NTRK3: variants seen among roughly 807,000 people sequenced by gnomAD.
NTRK3 encodes neurotrophic receptor tyrosine kinase 3.
Under a neutral mutation model 91.7 loss-of-function variants are expected in NTRK3, and 24 were observed. The ratio of observed to expected loss-of-function variants is 0.26; its 90% CI spans 0.19 to 0.37. NTRK3 has a LOEUF of 0.37. Among genes scored for constraint, NTRK3 ranks in the 10% least tolerant of loss-of-function variants. The pLI, the probability that NTRK3 is intolerant of heterozygous loss-of-function variation, is 1.00. For synonymous variants in NTRK3, 483 were observed against 404.0 expected (o/e 1.20, Z -2.34); for missense variants, 880 against 1,068.9 (o/e 0.82, Z 2.46).
At chr15:88,159,901 A>G (rs1047912353) in intron 5 of NTRK3, among the ~76,000 whole-genome samples, 4 of 146,150 alleles carry the variant, frequency 2.7e-5, no homozygotes, top group African/African-American at 1.0e-4. Flanking sequence ...CCTGCACTCA[A>G]TTACAAGATG....
chr15:87,929,068 A>G, intron 17 of NTRK3, 123 bp downstream of exon 17: 2 of 1,425,512 alleles, frequency 1.4e-6, no homozygotes, highest in African/African-American at 1.4e-5. Context: ...TGTTGAGTGC[A>G]TGTCTGGGCA....
chr15:88,015,323 C>T (rs2077152137), intron 14 of NTRK3, among the ~76,000 whole-genome samples: 1 of 152,122 alleles, frequency 6.6e-6, no homozygotes, highest in African/African-American at 2.4e-5. Context: ...CTATTTAATA[C>T]ATCAACAAGA....
At position 88,236,804 on chromosome 15, in the gene NTRK3, G is replaced by A. The variant is rs547979756; in HGVS notation, c.248+19102C>T. On this transcript the variant is annotated intron_variant, in intron 3 of 18. Coordinates refer to ENST00000394480, the Ensembl canonical transcript of NTRK3. ...AAAAAAAAAAACACTACTCTCAAAAGTAGATAACAAAAAGAAAAGAAAAGA... is the reference window on the plus strand; with the variant it reads ...AAAAAAAAAAACACTACTCTCAAAAATAGATAACAAAAAGAAAAGAAAAGA... Among the ~76,000 whole-genome samples the A allele has an allele frequency of 3.4e-5, 5 of 146,604 alleles. No homozygotes were observed. The East Asian group carries it at 9.9e-4, about 29-fold the overall frequency.
At chr15:88,039,911 A>G (rs2079442272) in intron 13 of NTRK3, among the ~76,000 whole-genome samples, 1 of 152,260 alleles carries the variant, frequency 6.6e-6, no homozygotes, top group African/African-American at 2.4e-5. Flanking sequence ...GAGGAAAAGC[A>G]GAGGAGAACC....
chr15:88,167,167 GT>G, intron 5 of NTRK3, among the ~76,000 whole-genome samples: 1 of 152,240 alleles, frequency 6.6e-6, no homozygotes, highest in South Asian at 2.1e-4. Context: ...CTACTTTCAA[GT>G]TAGTTTCTGG....
At chr15:88,156,290 G>A (rs2043895821) in intron 5 of NTRK3, among the ~76,000 whole-genome samples, 1 of 152,158 alleles carries the variant, frequency 6.6e-6, no homozygotes, top group African/African-American at 2.4e-5. Flanking sequence ...CTGAGGAGGT[G>A]GAGAAGGACC....
chr15:88,141,283 C>T (rs1567512722), intron 6 of NTRK3, among the ~76,000 whole-genome samples: 3 of 152,284 alleles, frequency 2.0e-5, no homozygotes, highest in Non-Finnish European at 4.4e-5. Context: ...ATTATAGGAT[C>T]ATAATATTAG....
chr15:87,963,776 T>C (rs927095548), intron 14 of NTRK3, among the ~76,000 whole-genome samples: 1 of 152,210 alleles, frequency 6.6e-6, no homozygotes, highest in East Asian at 1.9e-4. Context: ...GCATCTGTAT[T>C]ACTCTTGGGG....
At chr15:87,994,487 C>A (rs1334076165) in intron 14 of NTRK3, among the ~76,000 whole-genome samples, 1 of 152,088 alleles carries the variant, frequency 6.6e-6, no homozygotes, top group Non-Finnish European at 1.5e-5. Flanking sequence ...TCCAAAATTG[C>A]CAGCAAACTA....
At chr15:88,184,388 G>T in intron 3 of NTRK3, 89 bp from the exon 4 acceptor site, 2 of 1,250,704 alleles carry the variant, frequency 1.6e-6, no homozygotes, top group Non-Finnish European at 1.2e-6. Context: ...TTTGATCCCC[G>T]ATGAGCTAAT....
At chr15:88,138,118 C>G (rs1341736427) in intron 6 of NTRK3, among the ~76,000 whole-genome samples, 2 of 151,486 alleles carry the variant, frequency 1.3e-5, no homozygotes, top group African/African-American at 2.4e-5. Flanking sequence ...AAAGAGATAT[C>G]AGCGGCCGGG....
chr15:88,037,421 G>A (rs773431578), intron 13 of NTRK3, among the ~76,000 whole-genome samples: 1 of 152,140 alleles, frequency 6.6e-6, no homozygotes, highest in Non-Finnish European at 1.5e-5. Context: ...AATTAGCTGG[G>A]TGTGTTGGTG....
chr15:88,190,336 C>T (rs2047288264), intron 3 of NTRK3, among the ~76,000 whole-genome samples: 1 of 152,166 alleles, frequency 6.6e-6, no homozygotes, highest in Admixed American at 6.5e-5. Context: ...ATGCATTACA[C>T]ACATCCTTGC....
chr15:88,103,493 T>C (rs1285044018), intron 13 of NTRK3, among the ~76,000 whole-genome samples: 1 of 152,110 alleles, frequency 6.6e-6, no homozygotes, highest in African/African-American at 2.4e-5. Flanking sequence ...AAGAACATGA[T>C]TTTTTCTGAT....
intron 13 of NTRK3, among the ~76,000 whole-genome samples, chr15:88,056,733 C>A (rs1028535798): frequency 2.6e-5 from 4 of 152,228 alleles, no homozygotes; most frequent in Non-Finnish European, 5.9e-5. Context: ...CCCTTTGGCA[C>A]TTTCTCAGTA....
Position 87,990,258 on chromosome 15 carries a change from T to C in NTRK3, c.1585+42599A>G, listed in dbSNP as rs10520675. 6.5e-3 allele frequency among the ~76,000 whole-genome samples: 986 copies of C among 152,240 alleles called. 17 individuals carry two copies. Among genetic ancestry groups the C allele is most frequent in the African/African-American group, 0.023 (935 of 41,508 alleles). On this transcript the variant is annotated intron_variant, in intron 14 of 18. Transcript: ENST00000394480. ...CAGATAGGGGTCAGCCACATTATCT[T>C]TTCAGACTCTTTTCTTCACTATCCC... is the stretch of plus-strand genomic sequence containing the variant.
intron 14 of NTRK3, among the ~76,000 whole-genome samples, chr15:88,002,167 T>G (rs900055078): frequency 7.3e-6 from 1 of 137,760 alleles, no homozygotes; most frequent in Non-Finnish European, 1.6e-5. Context: ...GGATAGTGGT[T>G]GTTTTTTTTT....
intron 18 of NTRK3, among the ~76,000 whole-genome samples, chr15:87,879,763 C>G (rs2065141336): frequency 6.6e-6 from 1 of 151,996 alleles, no homozygotes. Context: ...ATAGTAAAAA[C>G]ATAGTAATAA....
chr15:88,147,232 A>G, intron 6 of NTRK3, 103 bp downstream of exon 6: 1 of 1,052,490 alleles, frequency 9.5e-7, no homozygotes. Context: ...CTCTTCGAGT[A>G]GATGTATGCT....
Sources: gnomAD v4.1 joint callset for allele counts (sites outside exome capture counted in the v4.1 genomes callset) on GRCh38, gnomAD v4.1.1 for gene constraint, MANE v1.5 for transcripts, NCBI Gene and HGNC (gene_info 2026-07-23, HGNC 2026-07-21) for gene names.